FOXP2: variants seen among roughly 807,000 people sequenced by gnomAD.
FOXP2 encodes forkhead box P2, also known as forkhead box protein P2.
A neutral mutation model predicts 115.8 loss-of-function variants in FOXP2; 12 were observed. That is an observed-to-expected ratio of 0.10 (90% confidence interval 0.07 to 0.17). FOXP2 has a LOEUF of 0.17. Ranked by LOEUF, FOXP2 falls within the 10% of genes least tolerant of loss-of-function variation. FOXP2 has a pLI of 1.00. For missense variants in FOXP2, 629 were observed against 843.5 expected (o/e 0.75, Z 3.15); for synonymous variants, 328 against 297.7 (o/e 1.10, Z -1.05).
intron 3 of FOXP2, among the ~76,000 whole-genome samples, chr7:114,583,590 C>T (rs73438582): frequency 0.022 from 3,325 of 152,046 alleles, 116 homozygotes; most frequent in African/African-American, 0.073. Context: ...TAGAGAATGA[C>T]CTGAAAAATA....
chr7:114,607,633 T>G (rs1803400371), intron 3 of FOXP2, among the ~76,000 whole-genome samples: 2 of 152,050 alleles, frequency 1.3e-5, no homozygotes, highest in Non-Finnish European at 2.9e-5. Context: ...ATTTGTATTC[T>G]CCCACAATCC....
At position 114,664,356 on chromosome 7, in the gene FOXP2, C is replaced by G; in HGVS notation, c.1923C>G (p.Val641=). ...NNASSGLLQA[V]HEDLNGSLDH... ...CATCCAGTGGCCTACTGCAGGCCGTCCACGAAGACCTCAATGGTTCTCTGG... is the reference window on the plus strand; with the variant it reads ...CATCCAGTGGCCTACTGCAGGCCGTGCACGAAGACCTCAATGGTTCTCTGG... Residue 641 remains valine (V), a synonymous_variant, in exon 16 of 17, where the codon GTC becomes GTG. Transcript: ENST00000350908. The G allele has an allele frequency of 1.2e-6, 2 of 1,613,640 alleles. No homozygotes were observed. Among genetic ancestry groups the G allele is most frequent in the Non-Finnish European group, 1.7e-6 (2 of 1,179,728 alleles).
chr7:114,137,701 T>TAAG, intron 1 of FOXP2, among the ~76,000 whole-genome samples: 1 of 152,208 alleles, frequency 6.6e-6, no homozygotes, highest in Non-Finnish European at 1.5e-5. Flanking sequence ...ATCAAAAGTT[T>TAAG]ATCTTAGAGT....
At chr7:114,313,092 G>C (rs1397332614) in intron 2 of FOXP2, among the ~76,000 whole-genome samples, 2 of 152,148 alleles carry the variant, frequency 1.3e-5, no homozygotes, top group African/African-American at 2.4e-5. Context: ...CAATCACATA[G>C]AGTCCAGAAA....
At chr7:114,521,367 C>T (rs1053881988) in intron 2 of FOXP2, among the ~76,000 whole-genome samples, 24 of 151,582 alleles carry the variant, frequency 1.6e-4, no homozygotes, top group African/African-American at 5.1e-4. Context: ...CCCAACTCTA[C>T]CAAAAACAAA....
chr7:114,171,735 A>T (rs190070819), intron 1 of FOXP2, among the ~76,000 whole-genome samples: 1 of 152,242 alleles, frequency 6.6e-6, no homozygotes, highest in East Asian at 1.9e-4. Context: ...GATATATTTC[A>T]TAAGGCTGTA....
intron 1 of FOXP2, among the ~76,000 whole-genome samples, chr7:114,244,087 T>C (rs956870302): frequency 1.3e-5 from 2 of 152,176 alleles, no homozygotes; most frequent in African/African-American, 2.4e-5. Context: ...AGAAGTTTAA[T>C]GCATAGCATT....
At chr7:114,162,624 GGATT>G (rs1792873677), upstream of FOXP2, among the ~76,000 whole-genome samples, 1 of 151,372 alleles carries the variant, frequency 6.6e-6, no homozygotes, top group African/African-American at 2.4e-5. Flanking sequence ...TCAAACTCAC[GGATT>G]TGCAAAATTA....
intron 2 of FOXP2, among the ~76,000 whole-genome samples, chr7:114,402,798 TTTTG>T (rs1047265630): frequency 5.9e-5 from 9 of 151,820 alleles, no homozygotes; most frequent in South Asian, 2.1e-4. Flanking sequence ...GGATATTGAT[TTTTG>T]TTTGTTTGTT....
intron 2 of FOXP2, among the ~76,000 whole-genome samples, chr7:114,393,000 C>G (rs75959326): frequency 0.035 from 5,353 of 152,040 alleles, 119 homozygotes; most frequent in Non-Finnish European, 0.052. Context: ...AGTTTCCGTA[C>G]TCAGGAAAAA....
At chr7:114,635,232 G>C (rs1805153035) in intron 6 of FOXP2, among the ~76,000 whole-genome samples, 1 of 152,164 alleles carries the variant, frequency 6.6e-6, no homozygotes, top group Non-Finnish European at 1.5e-5. Flanking sequence ...TTCATTCTAT[G>C]CTTATGGAAG....
At chr7:114,541,468 C>G (rs900609728) in intron 3 of FOXP2, among the ~76,000 whole-genome samples, 2 of 151,982 alleles carry the variant, frequency 1.3e-5, no homozygotes, top group Non-Finnish European at 2.9e-5. Flanking sequence ...GCAATGTCCA[C>G]AGGAAGGAGA....
At chr7:114,413,374 T>TA (rs1793213723), upstream of FOXP2, among the ~76,000 whole-genome samples, 1 of 151,966 alleles carries the variant, frequency 6.6e-6, no homozygotes, top group African/African-American at 2.4e-5. Context: ...ATTGCTCATA[T>TA]AATTTCATTT....
intron 1 of FOXP2, among the ~76,000 whole-genome samples, chr7:114,281,619 AT>A (rs1462596974): frequency 1.3e-5 from 2 of 152,112 alleles, no homozygotes; most frequent in East Asian, 3.9e-4. Context: ...TTAATTTTTG[AT>A]TTTTACATTA....
chr7:114,572,402 A>G (rs1469551027), intron 3 of FOXP2, among the ~76,000 whole-genome samples: 2 of 151,728 alleles, frequency 1.3e-5, no homozygotes, highest in Non-Finnish European at 3.0e-5. Context: ...TGAAAGAAAA[A>G]TAGCAAAAAT....
chr7:114,087,567 G>A (rs530146286), upstream of FOXP2, among the ~76,000 whole-genome samples: 635 of 150,694 alleles, frequency 4.2e-3, 4 homozygotes, highest in African/African-American at 0.015. Context: ...CGGCGGGCAG[G>A]CGGGCGGGCA....
At chr7:114,437,175 A>T (rs1382412864) in intron 2 of FOXP2, among the ~76,000 whole-genome samples, 1 of 152,084 alleles carries the variant, frequency 6.6e-6, no homozygotes, top group Non-Finnish European at 1.5e-5. Context: ...GTTGATTTTT[A>T]GTATTTATTG....
intron 1 of FOXP2, among the ~76,000 whole-genome samples, chr7:114,270,064 G>A (rs1454756330): frequency 6.6e-6 from 1 of 152,162 alleles, no homozygotes; most frequent in Non-Finnish European, 1.5e-5. Flanking sequence ...AAAGAAAAAT[G>A]TTGATCAGTC....
At chr7:114,437,746 A>G (rs1794419453) in intron 2 of FOXP2, among the ~76,000 whole-genome samples, 1 of 152,180 alleles carries the variant, frequency 6.6e-6, no homozygotes, top group Non-Finnish European at 1.5e-5. Flanking sequence ...TACCCTTACC[A>G]TCTCATTTCA....
Sources: allele counts gnomAD v4.1 joint callset (sites outside exome capture counted in the v4.1 genomes callset), GRCh38; gene constraint gnomAD v4.1.1; transcripts MANE v1.5; gene names NCBI Gene and HGNC (gene_info 2026-07-23, HGNC 2026-07-21).